The following LY75 variants were observed in gnomAD, a reference collection of about 807,000 sequenced individuals.
LY75 encodes lymphocyte antigen 75.
A neutral mutation model predicts 231.7 loss-of-function variants in LY75; 185 were observed. The ratio of observed to expected loss-of-function variants is 0.80; its 90% CI spans 0.71 to 0.90. The LOEUF is 0.90. Among genes scored for constraint, LY75 ranks in the 40% least tolerant of loss-of-function variants. LY75 has a pLI of 0.00. For synonymous variants in LY75, 668 were observed against 689.0 expected (o/e 0.97, Z 0.48); for missense variants, 1,947 against 2,050.2 (o/e 0.95, Z 0.97).
intron 2 of LY75, among the ~76,000 whole-genome samples, chr2:159,896,333 C>T (rs1375090789): frequency 6.6e-6 from 1 of 152,190 alleles, no homozygotes; most frequent in East Asian, 1.9e-4. Context: ...GAACACGACT[C>T]ACACAGGATA....
intron 28 of LY75, among the ~76,000 whole-genome samples, chr2:159,827,991 G>A (rs1051807206): frequency 6.6e-6 from 1 of 151,920 alleles, no homozygotes; most frequent in Non-Finnish European, 1.5e-5. Flanking sequence ...AACATTAGGA[G>A]AAATACCTAA....
At chr2:159,860,680 G>C in intron 15 of LY75, 141 bp downstream of exon 15, 1 of 918,742 alleles carries the variant, frequency 1.1e-6, no homozygotes, top group South Asian at 1.7e-5. Context: ...GCTGCTGAGG[G>C]CCAGGCCATG....
chr2:159,895,486 T>G (rs1215895280), intron 2 of LY75, among the ~76,000 whole-genome samples: 1 of 152,238 alleles, frequency 6.6e-6, no homozygotes, highest in Non-Finnish European at 1.5e-5. Flanking sequence ...TTTTCTTTTC[T>G]AAAACCTTTG....
At chr2:159,827,492 A>G (rs1341820981) in intron 28 of LY75, among the ~76,000 whole-genome samples, 2 of 152,206 alleles carry the variant, frequency 1.3e-5, no homozygotes, top group African/African-American at 4.8e-5. Context: ...AAATAGGAAC[A>G]CTTTTACACT....
chr2:159,891,879 A>G (rs1302692149), intron 3 of LY75, among the ~76,000 whole-genome samples: 2 of 152,226 alleles, frequency 1.3e-5, no homozygotes, highest in Non-Finnish European at 2.9e-5. Flanking sequence ...AAACTTTCAC[A>G]TCTAAATTTC....
chr2:159,835,474 A>T lies in LY75; in HGVS notation c.3673+6T>A. 1.3e-6 allele frequency: 2 copies of T among 1,578,794 alleles called. No individual in the cohort carries two copies. The highest frequency in any genetic ancestry group is 1.7e-6 in the Non-Finnish European group (2 of 1,166,680). ...TTAAGAATTAAAAGATCTGAAATTC[A>T]CATACTTCCTGAATAGTAGCAAATA... On this transcript the variant is annotated splice_donor_region_variant and intron_variant, in intron 26 of 34. Transcript: ENST00000263636.
At chr2:159,867,555 C>T (rs146449211) in intron 13 of LY75, among the ~76,000 whole-genome samples, 7 of 152,106 alleles carry the variant, frequency 4.6e-5, no homozygotes, top group South Asian at 2.1e-4. Context: ...GAAGAGATAG[C>T]GTAAAAGGTT....
chr2:159,826,555 C>T (rs1683474850), intron 28 of LY75, among the ~76,000 whole-genome samples: 1 of 152,174 alleles, frequency 6.6e-6, no homozygotes, highest in African/African-American at 2.4e-5. Context: ...AGATTCAATG[C>T]TATCCCCATG....
intron 5 of LY75, among the ~76,000 whole-genome samples, chr2:159,886,166 T>C (rs569259209): frequency 6.6e-6 from 1 of 152,276 alleles, no homozygotes; most frequent in African/African-American, 2.4e-5. Flanking sequence ...GTGGAGCTCA[T>C]TTTGCTCTTA....
intron 20 of LY75, among the ~76,000 whole-genome samples, chr2:159,852,904 ACCATCC>A (rs1684445001): frequency 6.6e-6 from 1 of 152,192 alleles, no homozygotes; most frequent in Admixed American, 6.5e-5. Context: ...TGACTACCAT[ACCATCC>A]CAGGGTGAAG....
chr2:159,881,353 T>TAC, intron 7 of LY75, 113 bp from the exon 8 acceptor site: 1 of 1,031,904 alleles, frequency 9.7e-7, no homozygotes, highest in South Asian at 3.0e-5. Flanking sequence ...CTTTGTAGTA[T>TAC]TCTTAATTCG....
chr2:159,825,940 T>C (rs1048952278), intron 28 of LY75, among the ~76,000 whole-genome samples: 2 of 152,092 alleles, frequency 1.3e-5, no homozygotes, highest in Admixed American at 1.3e-4. Context: ...AAACTAGGTA[T>C]TGATGGAACG....
chr2:159,886,425 T>C lies in LY75; in HGVS notation c.908A>G (p.Asp303Gly). The C allele has an allele frequency of 1.2e-6, 2 of 1,607,658 alleles. No homozygotes were observed. Among genetic ancestry groups the C allele is most frequent in the Non-Finnish European group, 8.5e-7 (1 of 1,175,926 alleles). ...DHKPLNFLNW[D>G]PDRPSAPTIG... is the part of the protein sequence containing the mutation. Reference sequence around the variant, plus strand: ...GGTAGGGAAAGAGCAGTTACCTGGATCCCAGTTGAGAAAGTTTAATGGTTT... The same window carrying C: ...GGTAGGGAAAGAGCAGTTACCTGGACCCCAGTTGAGAAAGTTTAATGGTTT... Residue 303 changes from aspartate (D) to glycine (G), a missense_variant, in exon 5 of 35, where the codon GAT becomes GGT. Transcript: ENST00000263636.
chr2:159,820,412 A>G (rs1435617958), intron 28 of LY75, among the ~76,000 whole-genome samples: 2 of 152,268 alleles, frequency 1.3e-5, no homozygotes, highest in Non-Finnish European at 2.9e-5. Flanking sequence ...GGAGATCATT[A>G]TTCTAAGTGA....
chr2:159,899,549 G>C (rs896185211), intron 1 of LY75, among the ~76,000 whole-genome samples: 2 of 152,064 alleles, frequency 1.3e-5, no homozygotes. Context: ...ACTACGGCAG[G>C]GTAAATTATT....
At chr2:159,837,963 G>A (rs1354849708) in intron 25 of LY75, among the ~76,000 whole-genome samples, 3 of 152,092 alleles carry the variant, frequency 2.0e-5, no homozygotes, top group African/African-American at 7.2e-5. Context: ...TTAATTCTAT[G>A]TATTTTTATT....
chr2:159,860,879 A>G lies in LY75; in HGVS notation c.2210T>C (p.Ile737Thr). The part of the protein sequence containing the change: ...QWSDRTPVST[I>T]IMPNEFQQDY... ...CTGCTGAAACTCATTTGGCATGATA[A>G]TAGTAGACACCTGAAAAGACAAGAG... Residue 737 changes from isoleucine to threonine, a missense_variant, in exon 15 of 35, where the codon ATT becomes ACT. Physicochemically the swap from Ile to Thr is moderately conservative, Grantham distance 89. Transcript: ENST00000263636. 6 of 1,613,980 alleles carry G rather than the reference A, an allele frequency of 3.7e-6. No individual in the cohort carries two copies. Among genetic ancestry groups the G allele is most frequent in the East Asian group, 2.2e-5 (1 of 44,846 alleles).
rs762369462 is a variant in LY75 at position 159,817,025 on chromosome 2, G to T, written c.4161C>A (p.Tyr1387Ter). 3 of 1,600,986 alleles carry T rather than the reference G, an allele frequency of 1.9e-6. No individual in the cohort carries two copies. In the East Asian group the frequency reaches 6.7e-5, roughly 36 times the overall value. ...ILACKIEMVD[Y>*]KEEYNTTLPQ... ...GCAGTGTAGTATTATATTCTTCTTT[G>T]TAGTCAACTATAATAATTAAAAGCA... The change falls in exon 30 of 35, where the codon TAC becomes TAA. Residue 1387 changes from tyrosine (Y) to a stop codon, truncating the protein, a stop_gained. Coordinates refer to ENST00000263636, the MANE Select transcript of LY75 (RefSeq NM_002349.4). LOFTEE classifies it high-confidence loss of function.
intron 23 of LY75, among the ~76,000 whole-genome samples, chr2:159,847,719 A>G (rs1300263456): frequency 6.6e-6 from 1 of 152,188 alleles, no homozygotes; most frequent in East Asian, 1.9e-4. Flanking sequence ...TGGTGAGGAT[A>G]GAAGGACAAT....
Sources: allele counts gnomAD v4.1 joint callset (sites outside exome capture counted in the v4.1 genomes callset), GRCh38; gene constraint gnomAD v4.1.1; transcripts MANE v1.5; gene names NCBI Gene and HGNC (gene_info 2026-07-23, HGNC 2026-07-21).